Variants in SELENON observed in about 807,000 individuals in gnomAD.
The protein encoded by SELENON is selenoprotein N.
SELENON carries 44 observed loss-of-function variants against 59.5 expected under a neutral mutation model. The ratio of observed to expected loss-of-function variants is 0.74; its 90% CI spans 0.58 to 0.95. The LOEUF (loss-of-function observed/expected upper bound fraction) is 0.95, where lower values mean the gene tolerates loss of function less well. SELENON is among the 40% of genes least tolerant of loss of function. The pLI is 0.00. For synonymous variants in SELENON, 320 were observed against 305.6 expected (o/e 1.05, Z -0.49); for missense variants, 674 against 721.4 (o/e 0.93, Z 0.75).
At chr1:25,804,533 A>G (rs544607893) in intron 3 of SELENON, among the ~76,000 whole-genome samples, 2 of 150,512 alleles carry the variant, frequency 1.3e-5, no homozygotes, top group African/African-American at 2.5e-5. Context: ...ATCCTTCTAT[A>G]CTGGGAAGGT....
At chr1:25,800,799 G>A (rs1195116142) in intron 1 of SELENON, among the ~76,000 whole-genome samples, 6 of 152,126 alleles carry the variant, frequency 3.9e-5, no homozygotes, top group African/African-American at 1.4e-4. Flanking sequence ...AGGGCCAGGC[G>A]GAAGGCGGAG....
intron 4 of SELENON, among the ~76,000 whole-genome samples, chr1:25,805,499 T>C (rs995352523): frequency 6.6e-6 from 1 of 151,758 alleles, no homozygotes; most frequent in African/African-American, 2.4e-5. Context: ...CTGGGATAGC[T>C]TCCTAGAGGA....
At chr1:25,805,523 A>G (rs2047899311) in intron 4 of SELENON, among the ~76,000 whole-genome samples, 2 of 151,912 alleles carry the variant, frequency 1.3e-5, no homozygotes, top group African/African-American at 4.8e-5. Flanking sequence ...GACATCTGGT[A>G]GACTGCAGGA....
At chr1:25,810,951 G>A (rs537725646) in intron 7 of SELENON, among the ~76,000 whole-genome samples, 21 of 152,318 alleles carry the variant, frequency 1.4e-4, no homozygotes, top group Admixed American at 3.9e-4. Flanking sequence ...GACCCCCGGG[G>A]GTTACCTAGC....
Position 25,805,646 on chromosome 1 carries a change from C to T in SELENON, c.537+371C>T, listed in dbSNP as rs143485278. 5.6e-4 allele frequency among the ~76,000 whole-genome samples: 80 copies of T among 143,886 alleles called. No individual in the cohort carries two copies. The Middle Eastern group carries it at 0.01, about 19-fold the overall frequency. The allele number at this position is 143,886 out of a possible 152,430, so 94.4% of individuals were successfully genotyped here. On this transcript the variant is annotated intron_variant, in intron 4 of 12. Transcript: ENST00000361547. ...GCCCCACATACTATGATGATTATTT[C>T]CCACACACTATGATGATTACTTCCC...
intron 4 of SELENON, among the ~76,000 whole-genome samples, chr1:25,806,194 C>A (rs1014968650): frequency 6.6e-6 from 1 of 152,214 alleles, no homozygotes; most frequent in South Asian, 2.1e-4. Context: ...GTGTCTGGGC[C>A]CAGGGGGCAT....
chr1:25,817,049 C>T lies in SELENON; in HGVS notation c.*1331C>T, dbSNP rs746095106. ...GTCAGGCTGCCCCCTCCCCAGCCCC[C>T]AGTTCTCTCCCCACCCCCTCACCCC... On this transcript the variant is annotated 3_prime_UTR_variant, in exon 13 of 13. Transcript: ENST00000361547. The T allele has an allele frequency of 6.6e-6, 1 of 152,122 alleles. No homozygotes were observed. Among genetic ancestry groups the T allele is most frequent in the Non-Finnish European group, 1.5e-5 (1 of 68,114 alleles). The allele number at this position is 152,122 out of a possible 1,614,324, so 9.4% of individuals were successfully genotyped here.
intron 7 of SELENON, among the ~76,000 whole-genome samples, chr1:25,810,682 G>A (rs2047950563): frequency 6.6e-6 from 1 of 152,192 alleles, no homozygotes; most frequent in Non-Finnish European, 1.5e-5. Context: ...CATGGGAAGA[G>A]AAAATTGCCC....
Position 25,809,137 on chromosome 1 carries a change from A to C in SELENON, c.859A>C (p.Thr287Pro). The change falls in exon 6 of 13, where the codon ACT (threonine) becomes CCT (proline). Residue 287 changes from threonine (T) to proline (P), a missense_variant. Coordinates refer to ENST00000361547, the MANE Select transcript of SELENON (RefSeq NM_020451.3). ...GACTGCCATCAGCGACTTCTACTACACTGTGATGTTCCGGTGAGTGGGCCA... is the reference window on the plus strand; with the variant it reads ...GACTGCCATCAGCGACTTCTACTACCCTGTGATGTTCCGGTGAGTGGGCCA... The C allele has an allele frequency of 6.2e-7, 1 of 1,613,500 alleles. No homozygotes were observed. The highest frequency in any genetic ancestry group is 1.3e-5 in the African/African-American group (1 of 74,994).
chr1:25,803,041 G>A (rs372442904), intron 3 of SELENON, among the ~76,000 whole-genome samples: 12 of 152,272 alleles, frequency 7.9e-5, no homozygotes, highest in Non-Finnish European at 1.2e-4. Flanking sequence ...GAGGAAGGTT[G>A]GATGAAAAAT....
intron 7 of SELENON, among the ~76,000 whole-genome samples, chr1:25,810,212 C>T (rs1572233984): frequency 6.6e-6 from 1 of 152,180 alleles, no homozygotes; most frequent in South Asian, 2.1e-4. Flanking sequence ...GAAGGCTTCC[C>T]AGAAGAAAAA....
In SELENON at chr1:25,802,539, A is replaced by G. The variant is rs572262107; in HGVS notation, c.403+422A>G. Among the ~76,000 whole-genome samples, 4 of 152,020 alleles carry G rather than the reference A, an allele frequency of 2.6e-5. No homozygotes were observed. In the South Asian group the frequency reaches 8.3e-4, roughly 32 times the overall value. ...GCCGGGCTGATTTTGTATTTTTAGT[A>G]GAGACGGGGTTTTGCCTTGTTAGCT... On this transcript the variant is annotated intron_variant, in intron 3 of 12. Transcript: ENST00000361547.
intron 7 of SELENON, 66 bp downstream of exon 6, chr1:25,809,886 G>C: frequency 1.3e-6 from 2 of 1,582,524 alleles, no homozygotes; most frequent in South Asian, 1.1e-5. Context: ...CCAGCTCCAG[G>C]AGCCTAGGGG....
At chr1:25,812,900 C>T (rs1400836892) in intron 10 of SELENON, 108 bp downstream of exon 9, 19 of 864,634 alleles carry the variant, frequency 2.2e-5, no homozygotes, top group Middle Eastern at 2.3e-4. Context: ...GTGAGGGCCT[C>T]AGGGACTGCC....
intron 9 of SELENON, 54 bp from the exon 9 acceptor site, chr1:25,812,633 G>C: frequency 7.1e-7 from 1 of 1,400,104 alleles, no homozygotes; most frequent in Non-Finnish European, 9.9e-7. Context: ...CTCAGCCCGA[G>C]TGGGACCCTG....
chr1:25,812,377 T>A (rs1395198382), intron 9 of SELENON, among the ~76,000 whole-genome samples: 3 of 151,746 alleles, frequency 2.0e-5, no homozygotes, highest in Non-Finnish European at 2.9e-5. Flanking sequence ...ATAATAATAA[T>A]AAATAGAACT....
intron 6 of SELENON, 117 bp from the exon 6 acceptor site, chr1:25,809,566 C>T: frequency 3.5e-6 from 5 of 1,440,258 alleles, no homozygotes; most frequent in Non-Finnish European, 3.9e-6. Flanking sequence ...TGCCCACTGG[C>T]CCATCCACCT....
chr1:25,813,215 A>G (rs1224083263), intron 10 of SELENON, among the ~76,000 whole-genome samples: 1 of 152,184 alleles, frequency 6.6e-6, no homozygotes, highest in Non-Finnish European at 1.5e-5. Flanking sequence ...GATTCAGGAA[A>G]TTCACCAGAG....
intron 1 of SELENON, 147 bp downstream of exon 1, chr1:25,800,560 G>T (rs1214160287): frequency 4.1e-6 from 1 of 245,076 alleles, no homozygotes; most frequent in Non-Finnish European, 7.8e-6. Flanking sequence ...GGAAGGAGGG[G>T]ACACGGGAGG....
Sources: allele counts gnomAD v4.1 joint callset (sites outside exome capture counted in the v4.1 genomes callset), GRCh38; gene constraint gnomAD v4.1.1; transcripts MANE v1.5; gene names NCBI Gene and HGNC (gene_info 2026-07-23, HGNC 2026-07-21).